Variants in KIAA1217 observed in about 807,000 individuals in gnomAD.
KIAA1217 encodes the protein sickle tail protein homolog.
In KIAA1217, 88 loss-of-function variants were observed where a neutral mutation model predicts 163.9. That is an observed-to-expected ratio of 0.54 (90% confidence interval 0.45 to 0.64). The LOEUF (loss-of-function observed/expected upper bound fraction) is 0.64, where lower values mean the gene tolerates loss of function less well. Among genes scored for constraint, KIAA1217 ranks in the 30% least tolerant of loss-of-function variants. The pLI is 0.00. For synonymous variants in KIAA1217, 903 were observed against 923.1 expected, an observed-to-expected ratio of 0.98 and a Z score of 0.39; for missense variants, 2,372 against 2,475.0, an observed-to-expected ratio of 0.96 and a Z score of 0.88.
At chr10:24,034,813 A>G (rs114632459) in intron 2 of KIAA1217, among the ~76,000 whole-genome samples, 8,891 of 152,214 alleles carry the variant, frequency 0.058, 632 homozygotes, top group African/African-American at 0.17. Context: ...CACATCCTCC[A>G]GGCTGCTGCC....
chr10:24,302,991 C>G (rs1206931257), intron 2 of KIAA1217, among the ~76,000 whole-genome samples: 1 of 152,092 alleles, frequency 6.6e-6, no homozygotes, highest in East Asian at 1.9e-4. Flanking sequence ...TGAATTTTTA[C>G]TCTGAGTAAG....
chr10:23,865,101 C>G (rs146387377), intron 1 of KIAA1217, among the ~76,000 whole-genome samples: 2 of 152,128 alleles, frequency 1.3e-5, no homozygotes, highest in East Asian at 3.9e-4. Context: ...ATAAAATTAC[C>G]ACCACAGTGT....
At chr10:23,872,900 C>T (rs1269535222) in intron 1 of KIAA1217, among the ~76,000 whole-genome samples, 1 of 152,048 alleles carries the variant, frequency 6.6e-6, no homozygotes, top group Non-Finnish European at 1.5e-5. Context: ...AAGCATGTAA[C>T]ATTGGCAGCT....
chr10:23,886,127 C>T (rs534367080), intron 1 of KIAA1217, among the ~76,000 whole-genome samples: 12 of 151,900 alleles, frequency 7.9e-5, no homozygotes, highest in African/African-American at 2.4e-4. Flanking sequence ...TGTTAGTAGA[C>T]GAATCATTAT....
rs548821675 is a variant in KIAA1217 at position 24,366,130 on chromosome 10, T to C, written c.355-14739T>C. Among the ~76,000 whole-genome samples the C allele has an allele frequency of 9.2e-5, 14 of 152,272 alleles. 2 individuals carry two copies. The South Asian group carries it at 2.7e-3, about 29-fold the overall frequency. On this transcript the variant is annotated intron_variant, in intron 2 of 20. Coordinates refer to ENST00000376454, the MANE Select transcript of KIAA1217 (RefSeq NM_019590.5). ...GTCACAAAAAAATATTTCACTGCCA[T>C]GTTTTTTTAAAAAGTTAAGTTGCTC...
Position 24,381,000 on chromosome 10 carries a change from A to T in KIAA1217, c.486A>T (p.Arg162Ser). 6 of 1,608,866 alleles carry T rather than the reference A, an allele frequency of 3.7e-6. No individual in the cohort carries two copies. Among genetic ancestry groups the T allele is most frequent in the African/African-American group, 1.3e-5 (1 of 74,778 alleles). ...GGGATGCTCCAACCCCTTTTTCCAG[A>T]GGCAGCCGGACTCGTGCGAGCCTTC... ...SEGDAPTPFS[R>S]GSRTRASLPV... is the part of the protein sequence containing the mutation. Residue 162 changes from arginine (R) to serine (S), a missense_variant, in exon 3 of 21, where the codon AGA (arginine) becomes AGT (serine). This residue lies in a region of KIAA1217 where 1,431 missense variants were observed against 1,470.3 expected (regional missense o/e 0.97). Transcript: ENST00000376454.
intron 5 of KIAA1217, among the ~76,000 whole-genome samples, chr10:24,439,966 T>C (rs2060355315): frequency 6.6e-6 from 1 of 152,210 alleles, no homozygotes; most frequent in African/African-American, 2.4e-5. Context: ...CTGCTTTCCA[T>C]ATTGGGTAAG....
intron 2 of KIAA1217, among the ~76,000 whole-genome samples, chr10:24,287,660 A>AT (rs1229036636): frequency 1.3e-5 from 2 of 152,054 alleles, no homozygotes; most frequent in Non-Finnish European, 2.9e-5. Context: ...AGTTAATAAG[A>AT]TTTTTTTTAG....
intron 1 of KIAA1217, among the ~76,000 whole-genome samples, chr10:23,720,525 C>T (rs1051346226): frequency 2.0e-4 from 30 of 151,876 alleles, no homozygotes; most frequent in African/African-American, 6.3e-4. Flanking sequence ...ATAGAATGAA[C>T]GAGGGTTTGG....
chr10:24,118,275 G>T (rs549719190), intron 2 of KIAA1217, among the ~76,000 whole-genome samples: 2 of 152,106 alleles, frequency 1.3e-5, no homozygotes, highest in Non-Finnish European at 2.9e-5. Flanking sequence ...TGACAAACAG[G>T]GCCCTATAAT....
At chr10:24,377,899 G>C (rs1021870577) in intron 2 of KIAA1217, among the ~76,000 whole-genome samples, 1 of 152,076 alleles carries the variant, frequency 6.6e-6, no homozygotes, top group Non-Finnish European at 1.5e-5. Context: ...TCCCAAACTA[G>C]TGCAAGAACA....
intron 2 of KIAA1217, among the ~76,000 whole-genome samples, chr10:24,220,848 A>T (rs1428282961): frequency 1.3e-5 from 2 of 149,966 alleles, no homozygotes; most frequent in African/African-American, 4.9e-5. Context: ...GCAGCCTAGA[A>T]ATCCTGCACT....
intron 1 of KIAA1217, among the ~76,000 whole-genome samples, chr10:23,750,939 T>C (rs1457009470): frequency 6.6e-6 from 1 of 151,928 alleles, no homozygotes; most frequent in East Asian, 1.9e-4. Flanking sequence ...GATAATTCCT[T>C]TCCCTTCCCT....
chr10:24,350,728 C>G (rs1468629130), intron 2 of KIAA1217, among the ~76,000 whole-genome samples: 1 of 151,624 alleles, frequency 6.6e-6, no homozygotes, highest in African/African-American at 2.4e-5. Context: ...AAGTAAGTCT[C>G]GAGAGAAACT....
At chr10:24,222,490 G>GTTTGTT (rs1421695917) in intron 2 of KIAA1217, among the ~76,000 whole-genome samples, 8 of 152,090 alleles carry the variant, frequency 5.3e-5, no homozygotes, top group Non-Finnish European at 1.2e-4. Flanking sequence ...AATTTTGTTT[G>GTTTGTT]TTTGTTTTTG....
rs1236824380 is a variant in KIAA1217, at chr10:24,527,958, A to G, written c.2921A>G (p.Glu974Gly). The change falls in exon 14 of 21, where the codon GAA (glutamate) becomes GGA (glycine). Residue 974 changes from glutamate to glycine, a missense_variant. Glu to Gly is a moderately conservative substitution (Grantham distance 98, BLOSUM62 -2). Coordinates refer to ENST00000376454, the MANE Select transcript of KIAA1217 (RefSeq NM_019590.5). Reference sequence around the variant, plus strand: ...CAGAAAGCAGAAAAGAAATGGGAGGAAAAAAGGCAAAATCTGGATCACTAT... The same window carrying G: ...CAGAAAGCAGAAAAGAAATGGGAGGGAAAAAGGCAAAATCTGGATCACTAT... ...SIEKAEKKWE[E>G]KRQNLDHYNG... 17 of 1,613,206 alleles carry G rather than the reference A, an allele frequency of 1.1e-5. No homozygotes were observed. The highest frequency in any genetic ancestry group is 1.4e-5 in the Non-Finnish European group (17 of 1,179,554).
At chr10:24,264,529 CAG>C (rs1365130401) in intron 2 of KIAA1217, among the ~76,000 whole-genome samples, 1 of 151,990 alleles carries the variant, frequency 6.6e-6, no homozygotes, top group African/African-American at 2.4e-5. Flanking sequence ...CACACACAAA[CAG>C]AGGTGCACAG....
At chr10:23,929,681 A>G (rs1022432248) in intron 1 of KIAA1217, among the ~76,000 whole-genome samples, 1 of 152,064 alleles carries the variant, frequency 6.6e-6, no homozygotes, top group Admixed American at 6.6e-5. Flanking sequence ...TCCATGAGGT[A>G]TATTTTCTTT....
At chr10:24,214,210 A>G (rs1487042994) in intron 1 of KIAA1217, among the ~76,000 whole-genome samples, 1 of 152,206 alleles carries the variant, frequency 6.6e-6, no homozygotes, top group African/African-American at 2.4e-5. Context: ...GGGATGCTGT[A>G]GGATTCTGCG....
Sources: allele counts gnomAD v4.1 joint callset (sites outside exome capture counted in the v4.1 genomes callset), GRCh38; gene constraint gnomAD v4.1.1; regional missense constraint gnomAD v4.1.1; transcripts MANE v1.5; gene names NCBI Gene and HGNC (gene_info 2026-07-23, HGNC 2026-07-21).